The following FBXO38 variants were observed in gnomAD, a reference collection of about 807,000 sequenced individuals.
FBXO38 encodes F-box only protein 38.
FBXO38 carries 53 observed loss-of-function variants against 131.9 expected under a neutral mutation model. The observed-to-expected ratio is 0.40, with a 90% confidence interval of 0.32 to 0.51. FBXO38 has a LOEUF of 0.51. Among genes scored for constraint, FBXO38 ranks in the 20% least tolerant of loss-of-function variants. FBXO38 has a pLI of 0.53. For synonymous variants in FBXO38, 452 were observed against 505.6 expected (o/e 0.89, Z 1.42); for missense variants, 1,076 against 1,475.6 (o/e 0.73, Z 4.44).
At chr5:148,416,905 A>G in intron 11 of FBXO38, 89 bp from the exon 12 acceptor site, 1 of 745,304 alleles carries the variant, frequency 1.3e-6, no homozygotes, top group Non-Finnish European at 2.4e-6. Flanking sequence ...TATTAGTTAT[A>G]ATGTAAAGGT....
Position 148,427,529 on chromosome 5 carries a change from T to A in FBXO38, c.2235T>A (p.Asp745Glu). The change falls in exon 15 of 22, where the codon GAT becomes GAA. Residue 745 changes from aspartate (D) to glutamate (E), a missense_variant. Asp to Glu is a conservative substitution (Grantham distance 45, BLOSUM62 2). Coordinates refer to ENST00000340253, the MANE Select transcript of FBXO38 (RefSeq NM_205836.3). ...GSSEPSPTEVDVSRQCACSPG... is the reference protein window; with the variant it reads ...GSSEPSPTEVEVSRQCACSPG... ...CCGAGCCTAGCCCTACAGAAGTGGA[T>A]GTGTCCAGGCAGTGTGCCTGCTCCC... 6.2e-7 allele frequency: 1 copy of A among 1,614,130 alleles called. No homozygotes were observed. The highest frequency in any genetic ancestry group is 8.5e-7 in the Non-Finnish European group (1 of 1,180,016).
chr5:148,437,014 C>CA (rs1453259084), intron 17 of FBXO38, among the ~76,000 whole-genome samples: 6 of 152,228 alleles, frequency 3.9e-5, no homozygotes, highest in Non-Finnish European at 5.9e-5. Context: ...ATGTAAAACT[C>CA]AATCTTCAGA....
rs1752920517 is a variant in FBXO38 at position 148,414,120 on chromosome 5, T to C, written c.1094-16T>C. 1 of 1,578,096 alleles carries C rather than the reference T, an allele frequency of 6.3e-7. No individual in the cohort carries two copies. ...GAATTTGACTTTTTTTTTTTTTAAT[T>C]GATTGCTCTTTTTAGGCAGAATGGC... On this transcript the variant is annotated splice_polypyrimidine_tract_variant and intron_variant, in intron 9 of 21. Coordinates refer to ENST00000340253, the MANE Select transcript of FBXO38 (RefSeq NM_205836.3).
intron 17 of FBXO38, among the ~76,000 whole-genome samples, chr5:148,437,030 C>A (rs760071760): frequency 5.9e-5 from 9 of 152,244 alleles, no homozygotes; most frequent in Non-Finnish European, 5.9e-5. Context: ...TCAGACTCTG[C>A]CAGTCGGCAT....
chr5:148,387,639 C>T lies in FBXO38; in HGVS notation c.-64+3600C>T, dbSNP rs183537122. Among the ~76,000 whole-genome samples the T allele has an allele frequency of 1.1e-4, 17 of 151,942 alleles. 1 individual carries two copies. In the East Asian group the frequency reaches 3.3e-3, roughly 29 times the overall value. On this transcript the variant is annotated intron_variant, in intron 1 of 21. Transcript: ENST00000340253. ...GGTTTTGAATTTAGTTTGCCCATAT[C>T]CATCAGAGGAATCACAGTCTATGGC...
At position 148,417,093 on chromosome 5, in the gene FBXO38, A is replaced by G; in HGVS notation, c.1507A>G (p.Asn503Asp). ...NSNNDDNNAQ[N>D]NNANIHDNNH... ...CAACAATGACGATAATAATGCCCAG[A>G]ATAACAATGCCAACATCCACGACAA... Residue 503 changes from asparagine (N) to aspartate (D), a missense_variant, in exon 12 of 22, where the codon AAT becomes GAT. Physicochemically the swap from Asn to Asp is conservative, Grantham distance 23. Transcript: ENST00000340253. 6.2e-7 allele frequency: 1 copy of G among 1,613,642 alleles called. No homozygotes were observed. Among genetic ancestry groups the G allele is most frequent in the Non-Finnish European group, 8.5e-7 (1 of 1,179,592 alleles).
At chr5:148,393,676 A>G (rs1262853778) in intron 1 of FBXO38, among the ~76,000 whole-genome samples, 2 of 152,146 alleles carry the variant, frequency 1.3e-5, no homozygotes, top group African/African-American at 2.4e-5. Context: ...TTTGTTTACA[A>G]TGGGCCCAGA....
At chr5:148,440,575 T>TA in intron 20 of FBXO38, 48 bp downstream of exon 20, 1 of 1,158,692 alleles carries the variant, frequency 8.6e-7, no homozygotes, top group African/African-American at 1.6e-5. Context: ...GTGCAGTACT[T>TA]ACCTCTGTAA....
chr5:148,398,678 T>G (rs1751962830), intron 2 of FBXO38, among the ~76,000 whole-genome samples: 1 of 150,182 alleles, frequency 6.7e-6, no homozygotes, highest in Non-Finnish European at 1.5e-5. Context: ...AAAGCACTGT[T>G]TTTTTTTTTT....
chr5:148,425,556 C>G lies in FBXO38; in HGVS notation c.1773C>G (p.Thr591=). The change falls in exon 14 of 22, where the codon ACC becomes ACG. Residue 591 remains threonine, a synonymous_variant. Transcript: ENST00000340253. ...PSGLQRVVKP[T]SITVHDSESD... is the part of the protein sequence containing the mutation. ...GTCTTCAGCGTGTAGTAAAACCAACCTCAATTACTGTTCATGATTCAGAGA... is the reference window on the plus strand; with the variant it reads ...GTCTTCAGCGTGTAGTAAAACCAACGTCAATTACTGTTCATGATTCAGAGA... 6.2e-7 allele frequency: 1 copy of G among 1,613,532 alleles called. No homozygotes were observed. The highest frequency in any genetic ancestry group is 8.5e-7 in the Non-Finnish European group (1 of 1,179,654).
intron 1 of FBXO38, among the ~76,000 whole-genome samples, chr5:148,391,250 T>C (rs1467117220): frequency 6.6e-6 from 1 of 152,202 alleles, no homozygotes; most frequent in African/African-American, 2.4e-5. Flanking sequence ...TGGATGTATA[T>C]AGAATAATGG....
rs746177467 is a variant in FBXO38 at position 148,394,786 on chromosome 5, C to T, written c.10C>T (p.Arg4Ter). The T allele has an allele frequency of 1.3e-6, 2 of 1,568,344 alleles. No homozygotes were observed. Among genetic ancestry groups the T allele is most frequent in the Admixed American group, 1.9e-5 (1 of 53,014 alleles). The part of the protein sequence containing the change: MGP[R>*]KKSVKTCIMN... ...TGGAGACTGCACAACAATGGGGCCA[C>T]GAAAGAAAAGTGTGAAAACATGTAT... Residue 4 changes from arginine (R) to a stop codon, truncating the protein, a stop_gained, in exon 2 of 22, where the codon CGA becomes TGA. Coordinates refer to ENST00000340253, the MANE Select transcript of FBXO38 (RefSeq NM_205836.3). LOFTEE classifies it high-confidence loss of function.
chr5:148,415,814 GAA>G (rs1489020010), intron 10 of FBXO38, 112 bp from the exon 11 acceptor site: 8 of 1,117,052 alleles, frequency 7.2e-6, no homozygotes, highest in Non-Finnish European at 1.0e-5. Flanking sequence ...TGAAAAAAAG[GAA>G]AAGTTATTTT....
intron 18 of FBXO38, 137 bp downstream of exon 18, chr5:148,438,635 A>G: frequency 2.3e-6 from 2 of 879,066 alleles, no homozygotes; most frequent in Non-Finnish European, 3.4e-6. Context: ...TAGTTTTTAC[A>G]GGTTATGTAT....
intron 15 of FBXO38, chr5:148,430,212 T>C (rs1753963971): frequency 6.6e-6 from 1 of 150,570 alleles, no homozygotes; most frequent in African/African-American, 2.4e-5. Context: ...TGGAGTGCAG[T>C]GACACCATCT....
At chr5:148,439,375 T>C (rs1754540797) in intron 18 of FBXO38, among the ~76,000 whole-genome samples, 1 of 152,244 alleles carries the variant, frequency 6.6e-6, no homozygotes, top group Non-Finnish European at 1.5e-5. Flanking sequence ...CTGAGTTGAC[T>C]GACGTCATTT....
In FBXO38 at chr5:148,441,959, A is replaced by C; in HGVS notation, c.3389-10A>C. Reference sequence around the variant, plus strand: ...CATATGTATCTCTCCTTTTATTTCTAATTTCAAAGGCACTATCTATGCTCC... The same window carrying C: ...CATATGTATCTCTCCTTTTATTTCTCATTTCAAAGGCACTATCTATGCTCC... On this transcript the variant is annotated splice_polypyrimidine_tract_variant and intron_variant, in intron 21 of 21. Transcript: ENST00000340253. The C allele has an allele frequency of 6.2e-7, 1 of 1,600,832 alleles. No homozygotes were observed. Among genetic ancestry groups the C allele is most frequent in the Non-Finnish European group, 8.5e-7 (1 of 1,174,288 alleles).
chr5:148,425,491 A>C (rs773976799), intron 13 of FBXO38, 31 bp from the exon 14 acceptor site: 1 of 1,575,122 alleles, frequency 6.3e-7, no homozygotes, highest in South Asian at 1.1e-5. Flanking sequence ...TTGCGCAAAA[A>C]GTAACTGTTA....
chr5:148,434,551 A>G (rs1754233869), intron 17 of FBXO38: 2 of 152,184 alleles, frequency 1.3e-5, no homozygotes, highest in African/African-American at 4.8e-5. Context: ...CTCATAAAGC[A>G]TTTGTGAAAG....
Sources: gnomAD v4.1 joint callset for allele counts (sites outside exome capture counted in the v4.1 genomes callset) on GRCh38, gnomAD v4.1.1 for gene constraint, MANE v1.5 for transcripts, NCBI Gene and HGNC (gene_info 2026-07-23, HGNC 2026-07-21) for gene names.